MACROD2: variants seen among roughly 807,000 people sequenced by gnomAD.
MACROD2 encodes the protein ADP-ribose glycohydrolase MACROD2.
MACROD2 carries 36 observed loss-of-function variants against 70.4 expected under a neutral mutation model. The ratio of observed to expected loss-of-function variants is 0.51; its 90% CI spans 0.39 to 0.68. The LOEUF (loss-of-function observed/expected upper bound fraction) is 0.68. Among genes scored for constraint, MACROD2 ranks in the 30% least tolerant of loss-of-function variants. The probability of loss-of-function intolerance (pLI) is 0.00; values close to 1 mark genes in which losing one functional copy is unlikely to be tolerated. For synonymous variants in MACROD2, 172 were observed against 178.8 expected (o/e 0.96, Z 0.30); for missense variants, 496 against 538.4 (o/e 0.92, Z 0.78).
chr20:14,424,815 A>G (rs1049908276), intron 3 of MACROD2, among the ~76,000 whole-genome samples: 1 of 152,242 alleles, frequency 6.6e-6, no homozygotes, highest in Non-Finnish European at 1.5e-5. Context: ...GTTATAAGGT[A>G]CTTAATTTGA....
At chr20:14,164,067 G>T (rs2055229615) in intron 3 of MACROD2, among the ~76,000 whole-genome samples, 1 of 151,446 alleles carries the variant, frequency 6.6e-6, no homozygotes, top group South Asian at 2.1e-4. Flanking sequence ...TGTAACAGTT[G>T]CTTCTTTCAA....
intron 5 of MACROD2, among the ~76,000 whole-genome samples, chr20:14,781,867 A>G (rs555577164): frequency 6.6e-6 from 1 of 151,880 alleles, no homozygotes; most frequent in African/African-American, 2.4e-5. Context: ...ATCTTTTTTT[A>G]AAAAAATTCC....
intron 5 of MACROD2, among the ~76,000 whole-genome samples, chr20:15,188,733 A>T (rs1190425721): frequency 6.6e-6 from 1 of 152,170 alleles, no homozygotes; most frequent in Non-Finnish European, 1.5e-5. Context: ...TTTATTTATA[A>T]GGCACTGTTC....
At chr20:14,716,009 T>G (rs1288875961) in intron 5 of MACROD2, among the ~76,000 whole-genome samples, 1 of 152,208 alleles carries the variant, frequency 6.6e-6, no homozygotes, top group Admixed American at 6.5e-5. Context: ...GCTCTGTTGC[T>G]ATGAAAACTT....
intron 9 of MACROD2, among the ~76,000 whole-genome samples, chr20:15,883,055 C>CA (rs563354447): frequency 4.0e-4 from 60 of 150,126 alleles, no homozygotes; most frequent in African/African-American, 1.2e-3. Context: ...ACAAACAAAA[C>CA]AAAAAAAACT....
intron 8 of MACROD2, among the ~76,000 whole-genome samples, chr20:15,679,325 G>A (rs1353532305): frequency 6.6e-6 from 1 of 151,982 alleles, no homozygotes; most frequent in Non-Finnish European, 1.5e-5. Context: ...ATGTGGCCAA[G>A]GGAAAGAAGG....
intron 3 of MACROD2, among the ~76,000 whole-genome samples, chr20:14,243,170 C>G (rs888740428): frequency 6.6e-6 from 1 of 152,206 alleles, no homozygotes; most frequent in African/African-American, 2.4e-5. Flanking sequence ...GTTTTACATA[C>G]AGACTATAAA....
intron 5 of MACROD2, among the ~76,000 whole-genome samples, chr20:15,204,115 G>A (rs2076680883): frequency 6.6e-6 from 1 of 151,922 alleles, no homozygotes; most frequent in South Asian, 2.1e-4. Flanking sequence ...TTTGGTGGGG[G>A]TCACTATTAG....
intron 8 of MACROD2, among the ~76,000 whole-genome samples, chr20:15,795,633 T>G (rs2063665931): frequency 6.6e-6 from 1 of 152,220 alleles, no homozygotes; most frequent in Admixed American, 6.5e-5. Context: ...AATTGTTTAA[T>G]CTGTAGTCCC....
At chr20:15,867,888 G>A (rs1255394242) in intron 9 of MACROD2, among the ~76,000 whole-genome samples, 1 of 152,086 alleles carries the variant, frequency 6.6e-6, no homozygotes, top group South Asian at 2.1e-4. Context: ...TACTGCAATG[G>A]TTCTCAACTA....
At chr20:15,610,772 C>T (rs1217121073) in intron 8 of MACROD2, among the ~76,000 whole-genome samples, 1 of 152,094 alleles carries the variant, frequency 6.6e-6, no homozygotes, top group Non-Finnish European at 1.5e-5. Flanking sequence ...TATCTCCTCA[C>T]CTCCACTGCA....
intron 5 of MACROD2, among the ~76,000 whole-genome samples, chr20:14,832,289 G>T (rs2072979728): frequency 6.6e-6 from 1 of 151,822 alleles, no homozygotes; most frequent in African/African-American, 2.4e-5. Context: ...TCACTGAATT[G>T]ATCAGGCTGA....
At chr20:15,435,019 G>C (rs963492568) in intron 7 of MACROD2, among the ~76,000 whole-genome samples, 2 of 152,110 alleles carry the variant, frequency 1.3e-5, no homozygotes, top group Non-Finnish European at 2.9e-5. Context: ...GGGGACTTGA[G>C]GGTGACGGGT....
At chr20:14,147,127 G>A (rs547695875) in intron 3 of MACROD2, among the ~76,000 whole-genome samples, 1 of 152,270 alleles carries the variant, frequency 6.6e-6, no homozygotes, top group South Asian at 2.1e-4. Context: ...TGAGGTAGGT[G>A]CTTTCAGGTG....
intron 5 of MACROD2, among the ~76,000 whole-genome samples, chr20:15,023,348 C>T (rs966049152): frequency 2.0e-5 from 3 of 152,164 alleles, no homozygotes; most frequent in Non-Finnish European, 4.4e-5. Flanking sequence ...TAGATTCCCC[C>T]TATGGAGAAG....
At chr20:14,914,439 A>G (rs1442887667) in intron 5 of MACROD2, among the ~76,000 whole-genome samples, 1 of 152,192 alleles carries the variant, frequency 6.6e-6, no homozygotes, top group Non-Finnish European at 1.5e-5. Context: ...GGCCAAAGAA[A>G]CTGACTTTGC....
chr20:14,128,779 G>C (rs1038617378), intron 3 of MACROD2, among the ~76,000 whole-genome samples: 4 of 152,112 alleles, frequency 2.6e-5, no homozygotes, highest in Non-Finnish European at 4.4e-5. Context: ...CAAAATCCTA[G>C]GGCCCTTAAT....
intron 4 of MACROD2, among the ~76,000 whole-genome samples, chr20:14,540,053 A>C (rs1464531033): frequency 6.6e-6 from 1 of 152,234 alleles, no homozygotes; most frequent in Non-Finnish European, 1.5e-5. Context: ...TTCAGTTACC[A>C]GTAATATTGT....
At position 14,276,313 on chromosome 20, in the gene MACROD2, T is replaced by C. The variant is rs2082255537; in HGVS notation, c.271+190585T>C. On this transcript the variant is annotated intron_variant, in intron 3 of 17. Transcript: ENST00000684519. Reference sequence around the variant, plus strand: ...TATGCAGCCATAAAAAATGATGAGTTCATGTCCTTTGTAGGGACATGGATG... The same window carrying C: ...TATGCAGCCATAAAAAATGATGAGTCCATGTCCTTTGTAGGGACATGGATG... Among the ~76,000 whole-genome samples, 5 of 150,612 alleles carry C rather than the reference T, an allele frequency of 3.3e-5. No homozygotes were observed. The South Asian group carries it at 1.1e-3, about 32-fold the overall frequency.
Sources: gnomAD v4.1 joint callset for allele counts (sites outside exome capture counted in the v4.1 genomes callset) on GRCh38, gnomAD v4.1.1 for gene constraint, MANE v1.5 for transcripts, NCBI Gene and HGNC (gene_info 2026-07-23, HGNC 2026-07-21) for gene names.